OXA1L: variants seen among roughly 807,000 people sequenced by gnomAD.
OXA1L encodes the protein mitochondrial inner membrane protein OXA1L.
OXA1L carries 42 observed loss-of-function variants against 52.2 expected under a neutral mutation model. The ratio of observed to expected loss-of-function variants is 0.80; its 90% CI spans 0.63 to 1.04. The LOEUF (loss-of-function observed/expected upper bound fraction) is 1.04, where lower values mean the gene tolerates loss of function less well. OXA1L is among the 50% of genes least tolerant of loss of function. OXA1L has a pLI of 0.00. For missense variants in OXA1L, 572 were observed against 555.0 expected (o/e 1.03, Z -0.31); for synonymous variants, 239 against 201.9 (o/e 1.18, Z -1.56).
intron 1 of OXA1L, 23 bp from the exon 2 acceptor site, chr14:22,767,225 C>A (rs190878656): frequency 2.0e-5 from 32 of 1,593,292 alleles, no homozygotes; most frequent in Non-Finnish European, 2.7e-5. Flanking sequence ...TAAAGGGGCT[C>A]CATCATCCTT....
intron 3 of OXA1L, chr14:22,768,578 T>C: frequency 4.8e-6 from 1 of 207,714 alleles, no homozygotes; most frequent in Non-Finnish European, 1.0e-5. Flanking sequence ...CCATCAATTA[T>C]CTTTTCTCCC....
intron 1 of OXA1L, 155 bp from the exon 2 acceptor site, chr14:22,767,093 C>T (rs1288794091): frequency 1.3e-6 from 2 of 1,534,580 alleles, no homozygotes; most frequent in Admixed American, 2.0e-5. Flanking sequence ...TGCATGCCTT[C>T]GGGCTAGCGG....
At chr14:22,767,070 A>G (rs913726307) in intron 1 of OXA1L, 178 bp from the exon 2 acceptor site, 7 of 1,536,444 alleles carry the variant, frequency 4.6e-6, no homozygotes, top group African/African-American at 1.4e-5. Context: ...TTCGCTCTGC[A>G]GGCACCACCC....
rs2038491791 is a variant in OXA1L, at chr14:22,772,630, C to T, written c.*1072C>T. 2.0e-5 allele frequency: 3 copies of T among 151,762 alleles called. No homozygotes were observed. Among genetic ancestry groups the T allele is most frequent in the Admixed American group, 2.0e-4 (3 of 15,228 alleles). 9.4% of individuals were successfully genotyped at this position (151,762 alleles called of 1,614,324 possible). The stretch of plus-strand genomic sequence containing the variant: ...AGATTGTATCTAAATATAGTAACCG[C>T]ACTTCTTGATCCCAAGATTACTTTA... On this transcript the variant is annotated 3_prime_UTR_variant, in exon 10 of 10. Coordinates refer to ENST00000612549, the MANE Select transcript of OXA1L (RefSeq NM_005015.5).
chr14:22,768,214 C>T (rs1220401765), intron 3 of OXA1L, 43 bp downstream of exon 3: 1 of 1,453,526 alleles, frequency 6.9e-7, no homozygotes, highest in East Asian at 2.3e-5. Context: ...GATTTAACCT[C>T]ATAGATGGCA....
At position 22,771,775 on chromosome 14, in the gene OXA1L, C is replaced by G. The variant is rs917909405; in HGVS notation, c.*217C>G. 4 of 571,312 alleles carry G rather than the reference C, an allele frequency of 7.0e-6. No individual in the cohort carries two copies. The highest frequency in any genetic ancestry group is 1.2e-5 in the Non-Finnish European group (4 of 320,126). 35.4% of individuals were successfully genotyped at this position (571,312 alleles called of 1,614,324 possible). A position where few individuals can be genotyped will look rare whatever the true frequency, so the allele number is the denominator to read the frequency against. ...TCCCATTCACAGAGTTAGTAAACCT[C>G]TGTACTACATGCTGCTTCCTGATAC... is the stretch of plus-strand genomic sequence containing the variant. On this transcript the variant is annotated 3_prime_UTR_variant, in exon 10 of 10. Coordinates refer to ENST00000612549, the MANE Select transcript of OXA1L (RefSeq NM_005015.5).
chr14:22,770,433 T>C (rs369990745), intron 5 of OXA1L, 28 bp from the exon 6 acceptor site: 1 of 1,608,120 alleles, frequency 6.2e-7, no homozygotes, highest in Non-Finnish European at 8.5e-7. Flanking sequence ...TGGTAAAGCA[T>C]GCTGACACTG....
In OXA1L at chr14:22,771,475, C is replaced by T; in HGVS notation, c.1225C>T (p.Pro409Ser). 1 of 1,613,784 alleles carries T rather than the reference C, an allele frequency of 6.2e-7. No homozygotes were observed. Among genetic ancestry groups the T allele is most frequent in the Non-Finnish European group, 8.5e-7 (1 of 1,179,880 alleles). Residue 409 changes from proline to serine, a missense_variant, in exon 10 of 10, where the codon CCT becomes TCT. Physicochemically the swap from Pro to Ser is moderately conservative, Grantham distance 74 (BLOSUM62 -1). Transcript: ENST00000612549. ...CTTTACCCACAACCCTCTCCTACAA[C>T]CTGGAAAGGATAACCCTCCCAATAT... ...QTFTHNPLLQ[P>S]GKDNPPNIPS...
intron 3 of OXA1L, 137 bp downstream of exon 3, chr14:22,768,308 T>A: frequency 1.5e-6 from 1 of 665,450 alleles, no homozygotes; most frequent in Non-Finnish European, 2.7e-6. Flanking sequence ...TAGAGGTTCA[T>A]GATACCTAGA....
Position 22,771,276 on chromosome 14 carries a change from A to C in OXA1L, c.1111A>C (p.Asn371His), listed in dbSNP as rs2139376490. 1 of 1,614,152 alleles carries C rather than the reference A, an allele frequency of 6.2e-7. No homozygotes were observed. The highest frequency in any genetic ancestry group is 2.2e-5 in the East Asian group (1 of 44,886). The change falls in exon 9 of 10, where the codon AAT (asparagine) becomes CAT (histidine). Residue 371 changes from asparagine (N) to histidine (H), a missense_variant. Physicochemically the swap from Asn to His is moderately conservative, Grantham distance 68. Around this residue, in one of 5 missense-constraint regions of OXA1L, gnomAD observed 244 missense variants for 240.2 expected, o/e 1.02. Coordinates refer to ENST00000612549, the MANE Select transcript of OXA1L (RefSeq NM_005015.5). ...TGCTTCTCTTTACACAGGCTGGAAAAATGCTGAAATGACGCGTCAGCTGCG... is the reference window on the plus strand; with the variant it reads ...TGCTTCTCTTTACACAGGCTGGAAACATGCTGAAATGACGCGTCAGCTGCG... Reference protein sequence around the residue: ...FLESFKKGWKNAEMTRQLRER... With the variant: ...FLESFKKGWKHAEMTRQLRER...
Position 22,767,253 on chromosome 14 carries a change from C to T in OXA1L, c.69C>T (p.His23=). 6.2e-7 allele frequency: 1 copy of T among 1,608,592 alleles called. No individual in the cohort carries two copies. Among genetic ancestry groups the T allele is most frequent in the Non-Finnish European group, 8.5e-7 (1 of 1,177,994 alleles). Residue 23 remains histidine (H), a synonymous_variant, in exon 2 of 10, where the codon CAC becomes CAT. Coordinates refer to ENST00000612549, the MANE Select transcript of OXA1L (RefSeq NM_005015.5). ...LRLLQSGRRV[H]SVAGPSQWLG... ...TCATCCTTTTACACGCTCAGGTCCACAGCGTCGCAGGGCCCTCGCAATGGC... is the reference window on the plus strand; with the variant it reads ...TCATCCTTTTACACGCTCAGGTCCATAGCGTCGCAGGGCCCTCGCAATGGC...
intron 8 of OXA1L, 38 bp downstream of exon 8, chr14:22,771,218 G>C: frequency 6.2e-7 from 1 of 1,613,052 alleles, no homozygotes; most frequent in Middle Eastern, 1.7e-4. Context: ...ACTAGGGAAA[G>C]GGGTCTAAAA....
rs1042495929 is a variant in OXA1L, at chr14:22,766,967, G to A, written c.63+203G>A. On this transcript the variant is annotated intron_variant, in intron 1 of 9. Transcript: ENST00000612549. ...AGCCCGGTGTCAGCTTCTGGAATTG[G>A]CTTGGCTCCTGGCGAGAGCACCTCG... 2.6e-6 allele frequency: 4 copies of A among 1,523,962 alleles called. No homozygotes were observed. In the African/African-American group the frequency reaches 4.1e-5, roughly 16 times the overall value. 94.4% of individuals were successfully genotyped at this position (1,523,962 alleles called of 1,614,324 possible).
Position 22,771,823 on chromosome 14 carries a change from T to C in OXA1L, c.*265T>C. 2.5e-6 allele frequency: 1 copy of C among 392,414 alleles called. No homozygotes were observed. The highest frequency in any genetic ancestry group is 4.6e-6 in the Non-Finnish European group (1 of 216,510). The allele number at this position is 392,414 out of a possible 1,614,324, so 24.3% of individuals were successfully genotyped here. Reference sequence around the variant, plus strand: ...TACTTATTGAACAGGGAAATCAGTGTGCACTTCAGAAAACTGAAGAATACC... The same window carrying C: ...TACTTATTGAACAGGGAAATCAGTGCGCACTTCAGAAAACTGAAGAATACC... On this transcript the variant is annotated 3_prime_UTR_variant, in exon 10 of 10. Transcript: ENST00000612549.
At chr14:22,766,861 C>T (rs1341603586) in intron 1 of OXA1L, 97 bp downstream of exon 1, 18 of 1,568,452 alleles carry the variant, frequency 1.1e-5, no homozygotes, top group African/African-American at 1.4e-5. Flanking sequence ...AGACGCTGAC[C>T]TGCTCACCGG....
Position 22,769,742 on chromosome 14 carries a change from G to C in OXA1L, c.440-49G>C. On this transcript the variant is annotated intron_variant, in intron 3 of 9. Coordinates refer to ENST00000612549, the MANE Select transcript of OXA1L (RefSeq NM_005015.5). ...GGACCTAAAAGCCTTCAACCTTCTA[G>C]CTGCAGAACTGCTTTAATTTCACTC... The C allele has an allele frequency of 1.9e-6, 3 of 1,607,080 alleles. No individual in the cohort carries two copies. The South Asian group carries it at 3.3e-5, about 18-fold the overall frequency.
At position 22,770,807 on chromosome 14, in the gene OXA1L, A is replaced by G. The variant is rs2038452084; in HGVS notation, c.837A>G (p.Leu279=). 2.5e-6 allele frequency: 4 copies of G among 1,613,662 alleles called. No individual in the cohort carries two copies. Among genetic ancestry groups the G allele is most frequent in the Non-Finnish European group, 8.5e-7 (1 of 1,179,512 alleles). ...VTATMWAVLE[L]GAETGVQSSD... Reference sequence around the variant, plus strand: ...TTCCACCCCACTTCTTTTGGCAGCTAGGTGCTGAGACAGGTGTGCAAAGTT... The same window carrying G: ...TTCCACCCCACTTCTTTTGGCAGCTGGGTGCTGAGACAGGTGTGCAAAGTT... The change falls in exon 7 of 10, where the codon CTA becomes CTG. Residue 279 remains leucine, a splice_region_variant and synonymous_variant. Transcript: ENST00000612549.
chr14:22,770,844 T>C lies in OXA1L; in HGVS notation c.874T>C (p.Trp292Arg). The C allele has an allele frequency of 6.2e-7, 1 of 1,614,188 alleles. No individual in the cohort carries two copies. The highest frequency in any genetic ancestry group is 1.6e-4 in the Middle Eastern group (1 of 6,062). Residue 292 changes from tryptophan to arginine, a missense_variant, in exon 7 of 10, where the codon TGG becomes CGG. Transcript: ENST00000612549. ...ETGVQSSDLQ[W>R]MRNVIRMMPL... ...AGGTGTGCAAAGTTCTGACCTTCAGTGGATGAGAAATGTCATCAGAATGAT... is the reference window on the plus strand; with the variant it reads ...AGGTGTGCAAAGTTCTGACCTTCAGCGGATGAGAAATGTCATCAGAATGAT...
chr14:22,769,680 T>G, intron 3 of OXA1L, 111 bp from the exon 4 acceptor site: 1 of 1,154,886 alleles, frequency 8.7e-7, no homozygotes. Context: ...GCATGAGTCA[T>G]AGAATGGACA....
Sources: gnomAD v4.1 joint callset for allele counts on GRCh38, gnomAD v4.1.1 for gene constraint, gnomAD v4.1.1 regional missense constraint, MANE v1.5 for transcripts, NCBI Gene and HGNC (gene_info 2026-07-23, HGNC 2026-07-21) for gene names.